Variants in NUBPL observed in about 807,000 individuals in gnomAD.
NUBPL encodes the protein NUBP iron-sulfur cluster assembly factor, mitochondrial.
In NUBPL, 31 loss-of-function variants were observed where a neutral mutation model predicts 45.7. That is an observed-to-expected ratio of 0.68 (90% confidence interval 0.51 to 0.92). The LOEUF is 0.92. NUBPL is among the 40% of genes least tolerant of loss of function. The pLI is 0.00. For synonymous variants in NUBPL, 144 were observed against 140.9 expected, an observed-to-expected ratio of 1.02 and a Z score of -0.15; for missense variants, 401 against 398.7, an observed-to-expected ratio of 1.01 and a Z score of -0.05.
intron 7 of NUBPL, among the ~76,000 whole-genome samples, chr14:31,812,970 G>T (rs999910763): frequency 2.7e-5 from 4 of 145,812 alleles, no homozygotes; most frequent in Non-Finnish European, 4.5e-5. Flanking sequence ...ATTCTGGATA[G>T]CTCTTGTTAG....
At chr14:31,655,812 C>G (rs1365901734) in intron 4 of NUBPL, among the ~76,000 whole-genome samples, 8 of 152,104 alleles carry the variant, frequency 5.3e-5, no homozygotes, top group Admixed American at 5.2e-4. Context: ...TTTTGAGAGC[C>G]CTTGTATTTT....
At chr14:31,634,722 C>G (rs1464140671) in intron 4 of NUBPL, among the ~76,000 whole-genome samples, 2 of 152,024 alleles carry the variant, frequency 1.3e-5, no homozygotes, top group African/African-American at 2.4e-5. Flanking sequence ...AAAAGTGTTC[C>G]TATTTCTCCA....
chr14:31,659,209 A>G (rs990681600), intron 4 of NUBPL, among the ~76,000 whole-genome samples: 1 of 152,236 alleles, frequency 6.6e-6, no homozygotes, highest in African/African-American at 2.4e-5. Flanking sequence ...TGACTATGTG[A>G]TGTAACTGCT....
chr14:31,828,472 GC>G (rs2040139294), intron 8 of NUBPL, among the ~76,000 whole-genome samples: 1 of 152,154 alleles, frequency 6.6e-6, no homozygotes, highest in African/African-American at 2.4e-5. Context: ...CATTCTATTT[GC>G]ACATAAGTGA....
intron 6 of NUBPL, among the ~76,000 whole-genome samples, chr14:31,716,891 C>T (rs2139939039): frequency 6.6e-6 from 1 of 152,264 alleles, no homozygotes; most frequent in African/African-American, 2.4e-5. Context: ...TTCTTTCCCA[C>T]TGTTTGTACT....
At chr14:31,596,631 C>T (rs187558366) in intron 3 of NUBPL, among the ~76,000 whole-genome samples, 42 of 152,230 alleles carry the variant, frequency 2.8e-4, no homozygotes, top group African/African-American at 8.9e-4. Context: ...TTACTGTTAG[C>T]CCTTTAAGAA....
chr14:31,574,647 G>T (rs1250024796), intron 3 of NUBPL, among the ~76,000 whole-genome samples: 1 of 132,782 alleles, frequency 7.5e-6, no homozygotes, highest in African/African-American at 2.9e-5. Context: ...CTGGAGTGCA[G>T]TGGCCTGGTC....
chr14:31,676,206 A>G (rs537557206), intron 6 of NUBPL, among the ~76,000 whole-genome samples: 2 of 152,106 alleles, frequency 1.3e-5, no homozygotes, highest in South Asian at 4.2e-4. Context: ...TATTTTTAGT[A>G]GGGACGGGGT....
At chr14:31,723,784 A>G (rs1252429174) in intron 6 of NUBPL, among the ~76,000 whole-genome samples, 1 of 152,200 alleles carries the variant, frequency 6.6e-6, no homozygotes, top group Non-Finnish European at 1.5e-5. Flanking sequence ...CAATTTCTGT[A>G]CATTGGTTTT....
chr14:31,605,377 T>G (rs542875552), intron 4 of NUBPL, among the ~76,000 whole-genome samples: 29 of 152,300 alleles, frequency 1.9e-4, no homozygotes, highest in Non-Finnish European at 2.2e-4. Flanking sequence ...AGTCTTTAAA[T>G]GTAATGAGCT....
chr14:31,777,005 A>T (rs887569999), intron 6 of NUBPL, among the ~76,000 whole-genome samples: 1 of 152,214 alleles, frequency 6.6e-6, no homozygotes, highest in Non-Finnish European at 1.5e-5. Flanking sequence ...CAGGTTCCCA[A>T]TCAGTTCTCT....
chr14:31,673,556 T>C lies in NUBPL; in HGVS notation c.495T>C (p.Ile165=). ...VWRGLMVMSA[I]EKLLRQVDWG... ...GAGGCCTTATGGTAATGTCGGCCAT[T>C]GAGAAATTGTTGAGGCAGGTAAGAA... Residue 165 remains isoleucine, a synonymous_variant, in exon 6 of 11, where the codon ATT becomes ATC. Transcript: ENST00000281081. 1.2e-6 allele frequency: 2 copies of C among 1,613,602 alleles called. No individual in the cohort carries two copies. Among genetic ancestry groups the C allele is most frequent in the Non-Finnish European group, 1.7e-6 (2 of 1,179,622 alleles).
At chr14:31,566,896 G>T (rs992741204) in intron 3 of NUBPL, among the ~76,000 whole-genome samples, 2 of 152,096 alleles carry the variant, frequency 1.3e-5, no homozygotes, top group Non-Finnish European at 1.5e-5. Flanking sequence ...AAAAGGCAAA[G>T]AAATTGATTT....
chr14:31,802,800 C>A (rs577414278), intron 7 of NUBPL, among the ~76,000 whole-genome samples: 87 of 152,306 alleles, frequency 5.7e-4, no homozygotes, highest in Non-Finnish European at 1.0e-4. Context: ...CCTTTCCTAT[C>A]TGGGCCCTGC....
In NUBPL at chr14:31,636,525, C is replaced by T. The variant is rs567264620; in HGVS notation, c.383-36830C>T. Among the ~76,000 whole-genome samples the T allele has an allele frequency of 9.9e-5, 15 of 152,222 alleles. No homozygotes were observed. In the South Asian group the frequency reaches 2.5e-3, roughly 25 times the overall value. ...TATTGAGGATTTTTGCATCAATGTTCATCAAGGATATTGGTCTAAAATTCT... is the reference window on the plus strand; with the variant it reads ...TATTGAGGATTTTTGCATCAATGTTTATCAAGGATATTGGTCTAAAATTCT... On this transcript the variant is annotated intron_variant, in intron 4 of 10. Transcript: ENST00000281081.
At chr14:31,802,371 G>A (rs917845699) in intron 7 of NUBPL, among the ~76,000 whole-genome samples, 6 of 151,900 alleles carry the variant, frequency 3.9e-5, no homozygotes, top group Non-Finnish European at 7.4e-5. Context: ...TGCCTCCTGG[G>A]TTCAAGCAAT....
chr14:31,652,565 T>C (rs369044978), intron 4 of NUBPL, among the ~76,000 whole-genome samples: 1 of 152,164 alleles, frequency 6.6e-6, no homozygotes, highest in South Asian at 2.1e-4. Context: ...ATTTTGTCAA[T>C]TAAAAATGAT....
At chr14:31,778,305 C>G (rs1040700325) in intron 6 of NUBPL, among the ~76,000 whole-genome samples, 1 of 152,046 alleles carries the variant, frequency 6.6e-6, no homozygotes, top group Non-Finnish European at 1.5e-5. Context: ...GGGGGCTGAA[C>G]AGACAAAAAC....
intron 10 of NUBPL, among the ~76,000 whole-genome samples, chr14:31,853,692 A>T (rs1770379888): frequency 6.6e-6 from 1 of 152,238 alleles, no homozygotes; most frequent in Admixed American, 6.5e-5. Flanking sequence ...ATTAAAAAGT[A>T]CTAATAGTCT....
Sources: allele counts gnomAD v4.1 joint callset (sites outside exome capture counted in the v4.1 genomes callset), GRCh38; gene constraint gnomAD v4.1.1; transcripts MANE v1.5; gene names NCBI Gene and HGNC (gene_info 2026-07-23, HGNC 2026-07-21).